Variants in MYOM2 observed in about 807,000 individuals in gnomAD.
MYOM2 encodes the protein myomesin-2.
Under a neutral mutation model 187.6 loss-of-function variants are expected in MYOM2, and 254 were observed. That is an observed-to-expected ratio of 1.35 (90% CI 1.22 to 1.50). The LOEUF is 1.50. Among genes scored for constraint, MYOM2 ranks in the 40% most tolerant of loss-of-function variants. MYOM2 has a pLI of 0.00. For missense variants in MYOM2, 2,796 were observed against 1,924.0 expected, an observed-to-expected ratio of 1.45 and a Z score of -8.48; for synonymous variants, 981 against 753.8, an observed-to-expected ratio of 1.30 and a Z score of -4.94.
intron 11 of MYOM2, among the ~76,000 whole-genome samples, chr8:2,077,810 G>T (rs756705594): frequency 6.6e-6 from 1 of 152,234 alleles, no homozygotes; most frequent in Non-Finnish European, 1.5e-5. Flanking sequence ...GAAGTGGGGG[G>T]TGCAGCTCCT....
chr8:2,079,690 A>G (rs1819556909), intron 13 of MYOM2, 77 bp downstream of exon 13: 1 of 1,473,878 alleles, frequency 6.8e-7, no homozygotes, highest in South Asian at 1.1e-5. Flanking sequence ...AGAGATGGAC[A>G]GAGAACGCCC....
At chr8:2,107,208 G>A (rs1246385700) in intron 23 of MYOM2, among the ~76,000 whole-genome samples, 1 of 152,096 alleles carries the variant, frequency 6.6e-6, no homozygotes, top group South Asian at 2.1e-4. Flanking sequence ...ACGTGTATTT[G>A]TGTGGCCCGT....
At chr8:2,100,818 C>A in intron 19 of MYOM2, 58 bp from the exon 20 acceptor site, 1 of 1,574,256 alleles carries the variant, frequency 6.4e-7, no homozygotes, top group Non-Finnish European at 8.7e-7. Flanking sequence ...CTGGGTTGGG[C>A]GGTGGGTGTG....
chr8:2,095,847 T>C (rs575085564), intron 17 of MYOM2, among the ~76,000 whole-genome samples: 51 of 152,332 alleles, frequency 3.3e-4, no homozygotes, highest in African/African-American at 1.1e-3. Context: ...ATCTGTCATC[T>C]CTGGCCACAG....
At chr8:2,074,377 GTTCCTGTTATAAC>G (rs1041483432) in intron 10 of MYOM2, among the ~76,000 whole-genome samples, 12 of 152,228 alleles carry the variant, frequency 7.9e-5, no homozygotes, top group East Asian at 1.9e-4. Flanking sequence ...TGGAACCTGA[GTTCCTGTTATAAC>G]TTTGTAGTGT....
At chr8:2,142,336 T>C (rs1265623699) in intron 34 of MYOM2, 39 bp from the exon 35 acceptor site, 2 of 1,605,370 alleles carry the variant, frequency 1.2e-6, no homozygotes, top group Non-Finnish European at 1.7e-6. Flanking sequence ...TCTCATACTC[T>C]CTTTTCATTC....
intron 25 of MYOM2, among the ~76,000 whole-genome samples, chr8:2,111,403 A>C (rs1043611115): frequency 1.4e-4 from 21 of 152,230 alleles, no homozygotes; most frequent in African/African-American, 5.1e-4. Context: ...GCAGCTAAGA[A>C]AATGGAAAAA....
At chr8:2,111,509 T>C (rs1289746828) in intron 25 of MYOM2, among the ~76,000 whole-genome samples, 1 of 152,210 alleles carries the variant, frequency 6.6e-6, no homozygotes, top group Non-Finnish European at 1.5e-5. Flanking sequence ...TCTCTACTCA[T>C]AGATGTTTGA....
intron 25 of MYOM2, among the ~76,000 whole-genome samples, chr8:2,115,537 C>A (rs570368571): frequency 6.6e-6 from 1 of 152,216 alleles, no homozygotes; most frequent in Non-Finnish European, 1.5e-5. Context: ...TGCTGTGTCC[C>A]GGGAGCTGAA....
chr8:2,131,027 G>A (rs1237115536), intron 32 of MYOM2, among the ~76,000 whole-genome samples: 1 of 152,122 alleles, frequency 6.6e-6, no homozygotes, highest in Non-Finnish European at 1.5e-5. Flanking sequence ...TCATCTTCTG[G>A]GAAAGGCCAC....
intron 4 of MYOM2, 35 bp from the exon 5 acceptor site, chr8:2,057,588 C>T: frequency 6.2e-7 from 1 of 1,613,242 alleles, no homozygotes; most frequent in Middle Eastern, 1.6e-4. Flanking sequence ...TGGCTCGCTG[C>T]CTGGGAACCT....
Position 2,087,421 on chromosome 8 carries a change from G to T in MYOM2, c.1644+2031G>T, listed in dbSNP as rs912371328. Among the ~76,000 whole-genome samples, 5 of 152,118 alleles carry T rather than the reference G, an allele frequency of 3.3e-5. No homozygotes were observed. In the East Asian group the frequency reaches 7.7e-4, roughly 24 times the overall value. Reference sequence around the variant, plus strand: ...ATTTGCAATGTATGCTATCTGGGGGGTAGAAACTAGAAATATTTCAGGGTA... The same window carrying T: ...ATTTGCAATGTATGCTATCTGGGGGTTAGAAACTAGAAATATTTCAGGGTA... On this transcript the variant is annotated intron_variant, in intron 14 of 36. Transcript: ENST00000262113.
intron 31 of MYOM2, 112 bp downstream of exon 31, chr8:2,124,329 C>A: frequency 9.4e-7 from 1 of 1,068,322 alleles, no homozygotes; most frequent in Non-Finnish European, 1.4e-6. Flanking sequence ...GGTGCGTGTT[C>A]TGTGGGAGGC....
chr8:2,061,752 C>A (rs1371302404), intron 6 of MYOM2, among the ~76,000 whole-genome samples: 2 of 152,210 alleles, frequency 1.3e-5, no homozygotes, highest in African/African-American at 4.8e-5. Context: ...TGCAGGGCAT[C>A]CTACCTCATT....
In MYOM2 at chr8:2,090,167, C is replaced by G. The variant is rs867938261; in HGVS notation, c.1804C>G (p.Pro602Ala). The G allele has an allele frequency of 6.2e-7, 1 of 1,613,858 alleles. No individual in the cohort carries two copies. Among genetic ancestry groups the G allele is most frequent in the Non-Finnish European group, 8.5e-7 (1 of 1,179,860 alleles). The change falls in exon 15 of 37, where the codon CCC becomes GCC. Residue 602 changes from proline (P) to alanine (A), a missense_variant. Transcript: ENST00000262113. Reference sequence around the variant, plus strand: ...GAGCGAACCTTCGGAGATAACGTCCCCCATTCAGGCCCAGGATGTGACCGG... The same window carrying G: ...GAGCGAACCTTCGGAGATAACGTCCGCCATTCAGGCCCAGGATGTGACCGG... ...GLSEPSEITS[P>A]IQAQDVTVVP...
At position 2,073,475 on chromosome 8, in the gene MYOM2, C is replaced by A. The variant is rs979709207; in HGVS notation, c.1095C>A (p.Asp365Glu). The A allele has an allele frequency of 2.6e-5, 41 of 1,607,394 alleles. No individual in the cohort carries two copies. Among genetic ancestry groups the A allele is most frequent in the Non-Finnish European group, 3.1e-5 (37 of 1,179,288 alleles). ...LRIVSRGGVS[D>E]HSAFLFVRDA... The stretch of plus-strand genomic sequence containing the variant: ...TCGTGTCTCGGGGCGGCGTCAGCGA[C>A]CACAGCGCCTTCCTGTTTGTCAGAG... The change falls in exon 10 of 37, where the codon GAC becomes GAA. Residue 365 changes from aspartate (D) to glutamate (E), a missense_variant. Asp to Glu is a conservative substitution (Grantham distance 45). Coordinates refer to ENST00000262113, the MANE Select transcript of MYOM2 (RefSeq NM_003970.4).
At chr8:2,128,391 C>G (rs538316468) in intron 31 of MYOM2, among the ~76,000 whole-genome samples, 174 of 152,332 alleles carry the variant, frequency 1.1e-3, no homozygotes, top group African/African-American at 3.9e-3. Context: ...TTTCCATTAT[C>G]TGTGCTAATT....
At chr8:2,127,751 C>T (rs1379379207) in intron 31 of MYOM2, 1 of 141,982 alleles carries the variant, frequency 7.0e-6, no homozygotes, top group Non-Finnish European at 1.5e-5. Flanking sequence ...CGGCGTGACG[C>T]GGTGGCGCAG....
At chr8:2,058,756 A>T (rs1216612674) in intron 5 of MYOM2, among the ~76,000 whole-genome samples, 1 of 152,148 alleles carries the variant, frequency 6.6e-6, no homozygotes, top group Non-Finnish European at 1.5e-5. Context: ...GGAGCCATGA[A>T]GCCAGCTTCC....
Sources: allele counts gnomAD v4.1 joint callset (sites outside exome capture counted in the v4.1 genomes callset), GRCh38; gene constraint gnomAD v4.1.1; transcripts MANE v1.5; gene names NCBI Gene and HGNC (gene_info 2026-07-23, HGNC 2026-07-21).